Variants in LRRC3B observed in about 807,000 individuals in gnomAD.
The protein encoded by LRRC3B is leucine rich repeat containing 3B.
In LRRC3B, 2 loss-of-function variants were observed where a neutral mutation model predicts 12.8. The observed-to-expected ratio is 0.16, with a 90% CI of 0.06 to 0.49. LRRC3B has a LOEUF of 0.49. Among genes scored for constraint, LRRC3B ranks in the 20% least tolerant of loss-of-function variants. LRRC3B has a pLI of 0.96. For synonymous variants in LRRC3B, 132 were observed against 122.0 expected (o/e 1.08, Z -0.54); for missense variants, 189 against 319.4 (o/e 0.59, Z 3.11).
chr3:26,682,328 G>T (rs978726834), intron 1 of LRRC3B, among the ~76,000 whole-genome samples: 1 of 152,014 alleles, frequency 6.6e-6, no homozygotes, highest in Non-Finnish European at 1.5e-5. Flanking sequence ...CACATAGCTT[G>T]CCTCTCATTA....
chr3:26,682,280 T>C (rs1239894405), intron 1 of LRRC3B, among the ~76,000 whole-genome samples: 1 of 151,900 alleles, frequency 6.6e-6, no homozygotes, highest in East Asian at 1.9e-4. Context: ...GCTCCTTTTG[T>C]TTTTTTTACA....
chr3:26,710,018 C>A, exon 2 of LRRC3B: 1 of 1,614,082 alleles, frequency 6.2e-7, no homozygotes, highest in Non-Finnish European at 8.5e-7. Context: ...TGAAACCTTG[C>A]AGACTCTGGA....
chr3:26,704,297 TGATA>T (rs1052445338), intron 1 of LRRC3B, among the ~76,000 whole-genome samples: 4 of 152,178 alleles, frequency 2.6e-5, no homozygotes, highest in Admixed American at 2.6e-4. Flanking sequence ...TTTAAATTTT[TGATA>T]GATATTCCCA....
chr3:26,691,988 G>C (rs960877723), intron 1 of LRRC3B, among the ~76,000 whole-genome samples: 1 of 152,182 alleles, frequency 6.6e-6, no homozygotes, highest in Non-Finnish European at 1.5e-5. Context: ...GAGCTTCTGA[G>C]AGCTGCAGAG....
At chr3:26,701,615 A>G (rs928831358) in intron 1 of LRRC3B, among the ~76,000 whole-genome samples, 1 of 151,732 alleles carries the variant, frequency 6.6e-6, no homozygotes, top group Non-Finnish European at 1.5e-5. Flanking sequence ...TTATTGACAA[A>G]CTCTGGGAGT....
At chr3:26,641,341 G>A (rs532232424) in intron 1 of LRRC3B, among the ~76,000 whole-genome samples, 28 of 152,326 alleles carry the variant, frequency 1.8e-4, no homozygotes, top group Admixed American at 5.2e-4. Flanking sequence ...TGGAAGAGCT[G>A]TGGGCCCACC....
At chr3:26,653,184 AAATTC>A (rs910238426) in intron 1 of LRRC3B, among the ~76,000 whole-genome samples, 6 of 152,180 alleles carry the variant, frequency 3.9e-5, no homozygotes, top group South Asian at 4.1e-4. Context: ...CTGGATGAAA[AAATTC>A]AAAAGACTTA....
chr3:26,706,175 A>G (rs1048829178), intron 1 of LRRC3B, among the ~76,000 whole-genome samples: 1 of 152,096 alleles, frequency 6.6e-6, no homozygotes, highest in Non-Finnish European at 1.5e-5. Flanking sequence ...CCTCTTTTAT[A>G]AGGGCACGAA....
intron 1 of LRRC3B, among the ~76,000 whole-genome samples, chr3:26,650,037 A>G (rs1011243618): frequency 6.6e-6 from 1 of 152,144 alleles, no homozygotes; most frequent in Non-Finnish European, 1.5e-5. Context: ...CCTCTTTTTA[A>G]ATAAACTTCT....
chr3:26,694,861 C>CTTTG (rs892238898), intron 1 of LRRC3B: 1 of 152,152 alleles, frequency 6.6e-6, no homozygotes, highest in African/African-American at 2.4e-5. Flanking sequence ...TGGCCAATCT[C>CTTTG]TTTGTTTGTT....
At chr3:26,637,135 T>G (rs921887323) in intron 1 of LRRC3B, among the ~76,000 whole-genome samples, 1 of 151,654 alleles carries the variant, frequency 6.6e-6, no homozygotes, top group East Asian at 2.0e-4. Flanking sequence ...TAGCTGTGAT[T>G]ACAGGCGCCC....
chr3:26,670,009 T>A (rs1017850745), intron 1 of LRRC3B, among the ~76,000 whole-genome samples: 3 of 152,240 alleles, frequency 2.0e-5, no homozygotes, highest in Admixed American at 6.5e-5. Context: ...GCTCTGCTTT[T>A]TCAACTTATT....
intron 1 of LRRC3B, among the ~76,000 whole-genome samples, chr3:26,694,253 G>A (rs979431880): frequency 6.6e-6 from 1 of 152,146 alleles, no homozygotes; most frequent in East Asian, 1.9e-4. Flanking sequence ...TTCTATGGGC[G>A]ATTTCACTAT....
At chr3:26,706,378 G>C (rs1700587796) in intron 1 of LRRC3B, among the ~76,000 whole-genome samples, 1 of 152,074 alleles carries the variant, frequency 6.6e-6, no homozygotes, top group South Asian at 2.1e-4. Flanking sequence ...ATTCTGGCTG[G>C]GGGTGATGGC....
At chr3:26,642,574 C>G (rs961152386) in intron 1 of LRRC3B, among the ~76,000 whole-genome samples, 5 of 152,170 alleles carry the variant, frequency 3.3e-5, no homozygotes, top group Admixed American at 3.3e-4. Flanking sequence ...CAGCAAGCTG[C>G]TGGTACAGGT....
intron 1 of LRRC3B, among the ~76,000 whole-genome samples, chr3:26,693,140 C>T: frequency 6.6e-6 from 1 of 151,618 alleles, no homozygotes; most frequent in Non-Finnish European, 1.5e-5. Context: ...ACCATCCTGG[C>T]TAACACGGTG....
intron 1 of LRRC3B, among the ~76,000 whole-genome samples, chr3:26,647,800 T>C (rs1699184006): frequency 6.6e-6 from 1 of 152,114 alleles, no homozygotes; most frequent in Non-Finnish European, 1.5e-5. Flanking sequence ...TAAACTTCAA[T>C]CCCATGGAGT....
chr3:26,671,032 T>TC (rs1699710309), intron 1 of LRRC3B, among the ~76,000 whole-genome samples: 1 of 143,568 alleles, frequency 7.0e-6, no homozygotes, highest in Non-Finnish European at 1.5e-5. Flanking sequence ...TTTTTTTTTT[T>TC]TGAGACGGAG....
chr3:26,675,631 C>T (rs896165627), intron 1 of LRRC3B, among the ~76,000 whole-genome samples: 1 of 152,144 alleles, frequency 6.6e-6, no homozygotes, highest in Non-Finnish European at 1.5e-5. Flanking sequence ...GAATAACCAA[C>T]TGTTTTTCTT....
Sources: gnomAD v4.1 joint callset for allele counts (sites outside exome capture counted in the v4.1 genomes callset) on GRCh38, gnomAD v4.1.1 for gene constraint, MANE v1.5 for transcripts, NCBI Gene and HGNC (gene_info 2026-07-23, HGNC 2026-07-21) for gene names.